Variants in LPIN2 observed in about 807,000 individuals in gnomAD.
LPIN2 encodes the protein lipin 2, also known as phosphatidate phosphatase LPIN2.
A neutral mutation model predicts 111.4 loss-of-function variants in LPIN2; 55 were observed. The ratio of observed to expected loss-of-function variants is 0.49; its 90% CI spans 0.40 to 0.62. The LOEUF (loss-of-function observed/expected upper bound fraction) is 0.62, where lower values mean the gene tolerates loss of function less well. LPIN2 is among the 20% of genes least tolerant of loss of function. The pLI, the probability that LPIN2 is intolerant of heterozygous loss-of-function variation, is 0.00. For missense variants in LPIN2, 992 were observed against 1,112.1 expected (o/e 0.89, Z 1.54); for synonymous variants, 425 against 414.0 (o/e 1.03, Z -0.32).
Position 2,952,023 on chromosome 18 carries a change from T to G in LPIN2, c.289-667A>C, listed in dbSNP as rs541368752. Among the ~76,000 whole-genome samples the G allele has an allele frequency of 6.6e-5, 10 of 152,356 alleles. No individual in the cohort carries two copies. The East Asian group carries it at 1.7e-3, about 26-fold the overall frequency. On this transcript the variant is annotated intron_variant, in intron 3 of 19. Transcript: ENST00000677752. ...CAATATTTAGAAGCAGTCAAACTCC[T>G]AATACTAAATAAACGATCAAGTCTG...
At chr18:3,010,312 A>C (rs919740910) in intron 1 of LPIN2, among the ~76,000 whole-genome samples, 1 of 152,234 alleles carries the variant, frequency 6.6e-6, no homozygotes, top group Admixed American at 6.5e-5. Flanking sequence ...AGGTATAGCC[A>C]TAAAACTTAC....
At chr18:2,974,033 G>A (rs1214214751) in intron 1 of LPIN2, among the ~76,000 whole-genome samples, 4 of 152,128 alleles carry the variant, frequency 2.6e-5, no homozygotes, top group East Asian at 3.8e-4. Flanking sequence ...ATTTTAAAAC[G>A]GGATTGCTAA....
rs151299792 is a variant in LPIN2 at position 2,925,823 on chromosome 18, T to C, written c.1794-455A>G. Among the ~76,000 whole-genome samples the C allele has an allele frequency of 2.8e-3, 424 of 150,360 alleles. No individual in the cohort carries two copies. Among genetic ancestry groups the C allele is most frequent in the Non-Finnish European group, 2.9e-3 (199 of 67,470 alleles). Reference sequence around the variant, plus strand: ...GAGTTTGAGACCAGCCTGGGCAACATAGGGAGACCCAGTTTCTACGGAACA... The same window carrying C: ...GAGTTTGAGACCAGCCTGGGCAACACAGGGAGACCCAGTTTCTACGGAACA... On this transcript the variant is annotated intron_variant, in intron 13 of 19. Coordinates refer to ENST00000677752, the MANE Select transcript of LPIN2 (RefSeq NM_001375808.2). This position sits in a 1 kb window ranked among gnomAD's most constrained non-coding sequence, Gnocchi z 4.1.
Position 2,927,823 on chromosome 18 carries a change from C to T in LPIN2, c.1621-12G>A. ...GACTCAACTGTGGCCTGAAAACAACCAACCTGGGTTAGTCTGGGCAATCTA... is the reference window on the plus strand; with the variant it reads ...GACTCAACTGTGGCCTGAAAACAACTAACCTGGGTTAGTCTGGGCAATCTA... On this transcript the variant is annotated splice_polypyrimidine_tract_variant and intron_variant, in intron 11 of 19. Coordinates refer to ENST00000677752, the MANE Select transcript of LPIN2 (RefSeq NM_001375808.2). 6.2e-7 allele frequency: 1 copy of T among 1,613,236 alleles called. No individual in the cohort carries two copies. Among genetic ancestry groups the T allele is most frequent in the Non-Finnish European group, 8.5e-7 (1 of 1,179,164 alleles).
chr18:2,956,486 A>G (rs1271106889), intron 2 of LPIN2, among the ~76,000 whole-genome samples: 1 of 152,202 alleles, frequency 6.6e-6, no homozygotes, highest in Non-Finnish European at 1.5e-5. Context: ...AACTGGCGTA[A>G]AATAATTAAT....
chr18:2,969,406 G>A (rs1321334184), intron 1 of LPIN2, among the ~76,000 whole-genome samples: 1 of 152,202 alleles, frequency 6.6e-6, no homozygotes, highest in Non-Finnish European at 1.5e-5. Flanking sequence ...GAGAGAATGA[G>A]ATTTAGCCAG....
chr18:2,988,263 T>C (rs2078216116), intron 1 of LPIN2, among the ~76,000 whole-genome samples: 1 of 152,172 alleles, frequency 6.6e-6, no homozygotes. Context: ...TATTCTTGAA[T>C]GCAGGCTCAT....
chr18:3,005,400 C>A (rs2078498441), intron 1 of LPIN2, among the ~76,000 whole-genome samples: 1 of 151,530 alleles, frequency 6.6e-6, no homozygotes, highest in Admixed American at 6.6e-5. Context: ...CTCGGCAGGG[C>A]ACAGTGGCTC....
rs138560650 is a variant in LPIN2 at position 2,932,673 on chromosome 18, G to T, written c.1269-1230C>A. 4.1e-3 allele frequency among the ~76,000 whole-genome samples: 630 copies of T among 152,294 alleles called. 6 individuals are homozygous for T. The highest frequency in any genetic ancestry group is 0.014 in the African/African-American group (593 of 41,554). The stretch of plus-strand genomic sequence containing the variant: ...GGCGAGGCCCCCTTGCAGTCAGGTG[G>T]GGCCACGTGAGCACATGACTGAGCC... On this transcript the variant is annotated intron_variant, in intron 8 of 19. Transcript: ENST00000677752.
chr18:2,922,973 A>T (rs146116136), intron 16 of LPIN2, among the ~76,000 whole-genome samples: 1 of 152,352 alleles, frequency 6.6e-6, no homozygotes, highest in Non-Finnish European at 1.5e-5. Flanking sequence ...CTAATGCTGA[A>T]GACACTGAGA....
At chr18:2,947,690 A>G (rs1277893690) in intron 4 of LPIN2, among the ~76,000 whole-genome samples, 2 of 152,240 alleles carry the variant, frequency 1.3e-5, no homozygotes, top group Admixed American at 6.5e-5. Context: ...TTATGCATTT[A>G]TCTTCTCTGG....
chr18:2,947,479 T>C (rs2077471527), intron 4 of LPIN2, among the ~76,000 whole-genome samples: 1 of 152,130 alleles, frequency 6.6e-6, no homozygotes, highest in Non-Finnish European at 1.5e-5. Context: ...TTTAAAGCCG[T>C]GTATAGTTTA....
chr18:2,928,950 TTA>T, intron 10 of LPIN2, 113 bp downstream of exon 10: 1 of 771,820 alleles, frequency 1.3e-6, no homozygotes, highest in Non-Finnish European at 2.3e-6. Context: ...ACTGGCTAAT[TTA>T]TATGAGATGA....
intron 4 of LPIN2, among the ~76,000 whole-genome samples, chr18:2,943,153 C>A (rs906301346): frequency 1.3e-5 from 2 of 152,102 alleles, no homozygotes; most frequent in African/African-American, 2.4e-5. Context: ...GAACTGCACA[C>A]TTACGGTCTG....
intron 1 of LPIN2, among the ~76,000 whole-genome samples, chr18:2,986,245 C>T (rs1156552593): frequency 2.0e-5 from 3 of 152,230 alleles, no homozygotes; most frequent in African/African-American, 7.2e-5. Context: ...TGTAGTTTAA[C>T]TGCTCATTGG....
intron 1 of LPIN2, among the ~76,000 whole-genome samples, chr18:2,965,961 G>A (rs761924168): frequency 3.9e-5 from 6 of 152,002 alleles, no homozygotes; most frequent in Non-Finnish European, 5.9e-5. Flanking sequence ...TTTGAGACAG[G>A]GTTTCACTGT....
chr18:2,935,856 A>G (rs1301767162), intron 7 of LPIN2, among the ~76,000 whole-genome samples: 1 of 152,170 alleles, frequency 6.6e-6, no homozygotes, highest in African/African-American at 2.4e-5. Context: ...TAAAAAGTAG[A>G]GGGGAAAAAG....
At chr18:3,006,761 C>T (rs868046028) in intron 1 of LPIN2, among the ~76,000 whole-genome samples, 3 of 151,484 alleles carry the variant, frequency 2.0e-5, no homozygotes, top group South Asian at 2.1e-4. Flanking sequence ...GGCATGAACC[C>T]GGGAGGCGGA....
intron 7 of LPIN2, among the ~76,000 whole-genome samples, chr18:2,935,618 T>G (rs918488505): frequency 6.6e-6 from 1 of 152,226 alleles, no homozygotes; most frequent in African/African-American, 2.4e-5. Context: ...AAAATATTCT[T>G]GGTACAATTA....
Sources: allele counts gnomAD v4.1 joint callset (sites outside exome capture counted in the v4.1 genomes callset), GRCh38; gene constraint gnomAD v4.1.1; non-coding constraint Gnocchi (gnomAD v3.1); transcripts MANE v1.5; gene names NCBI Gene and HGNC (gene_info 2026-07-23, HGNC 2026-07-21).